Variants in CA10 observed in about 807,000 individuals in gnomAD.
CA10 encodes carbonic anhydrase-related protein 10.
A neutral mutation model predicts 44.2 loss-of-function variants in CA10; 14 were observed. That is an observed-to-expected ratio of 0.32 (90% CI 0.21 to 0.50). The LOEUF is 0.50. Ranked by LOEUF, CA10 falls within the 20% of genes least tolerant of loss-of-function variation. CA10 has a pLI of 0.99. For synonymous variants in CA10, 159 were observed against 141.6 expected (o/e 1.12, Z -0.87); for missense variants, 350 against 409.7 (o/e 0.85, Z 1.26).
At chr17:51,671,209 C>G (rs554209809) in intron 4 of CA10, among the ~76,000 whole-genome samples, 1 of 152,052 alleles carries the variant, frequency 6.6e-6, no homozygotes, top group Non-Finnish European at 1.5e-5. Context: ...TGGCTCTTCC[C>G]GGCTGCTAAT....
chr17:51,891,843 G>C (rs1183383982), intron 3 of CA10, among the ~76,000 whole-genome samples: 4 of 152,198 alleles, frequency 2.6e-5, no homozygotes, highest in East Asian at 3.9e-4. Context: ...TAAGCAGGAA[G>C]AAGGTTTAAG....
At chr17:51,883,721 G>A (rs1278286204) in intron 3 of CA10, among the ~76,000 whole-genome samples, 2 of 151,994 alleles carry the variant, frequency 1.3e-5, no homozygotes, top group Non-Finnish European at 2.9e-5. Context: ...TTAATGTTAG[G>A]TGCTCCAGGG....
chr17:51,775,265 CCTCA>C lies in CA10; in HGVS notation c.280-27451_280-27448del, dbSNP rs1457320508. On this transcript the variant is annotated intron_variant, in intron 3 of 8. Coordinates refer to ENST00000451037, the MANE Select transcript of CA10 (RefSeq NM_020178.5). ...TGGGACTTCAGTGGTAAAGACCTGT[CCTCA>C]CTGAGGTCAGCCTGATGGTTTAGGG... Among the ~76,000 whole-genome samples, 3 of 152,136 alleles carry C rather than the reference CCTCA, an allele frequency of 2.0e-5. No individual in the cohort carries two copies. The East Asian group carries it at 5.8e-4, about 29-fold the overall frequency.
At chr17:52,138,275 T>C (rs1989402805) in intron 1 of CA10, among the ~76,000 whole-genome samples, 1 of 152,204 alleles carries the variant, frequency 6.6e-6, no homozygotes, top group Non-Finnish European at 1.5e-5. Context: ...TCTTTTATAA[T>C]GACTTTTGTG....
chr17:51,742,647 G>A (rs573204435), intron 4 of CA10, among the ~76,000 whole-genome samples: 103 of 151,960 alleles, frequency 6.8e-4, no homozygotes, highest in African/African-American at 2.1e-3. Context: ...GAGCCACTGA[G>A]AGAGAGAGAG....
In CA10 at chr17:52,120,790, T is replaced by G. The variant is rs1409347902; in HGVS notation, c.61+36936A>C. The stretch of plus-strand genomic sequence containing the variant: ...TCAGCTCATGTGTGGTAGCCTGGTA[T>G]TCGATCTGTGAGGTGGGATCCTGTT... On this transcript the variant is annotated intron_variant, in intron 1 of 8. Coordinates refer to ENST00000451037, the MANE Select transcript of CA10 (RefSeq NM_020178.5). Among the ~76,000 whole-genome samples the G allele has an allele frequency of 3.3e-5, 5 of 152,142 alleles. No homozygotes were observed. In the South Asian group the frequency reaches 6.2e-4, roughly 19 times the overall value.
intron 3 of CA10, among the ~76,000 whole-genome samples, chr17:51,835,980 C>T (rs573997914): frequency 5.7e-4 from 86 of 152,050 alleles, no homozygotes; most frequent in African/African-American, 2.0e-3. Flanking sequence ...TGGAATAAAG[C>T]CATGATAATG....
At chr17:51,638,017 T>TA (rs1437725232) in intron 6 of CA10, among the ~76,000 whole-genome samples, 1 of 152,226 alleles carries the variant, frequency 6.6e-6, no homozygotes, top group African/African-American at 2.4e-5. Flanking sequence ...TGCCTGTACT[T>TA]ACCTACTGAT....
intron 2 of CA10, among the ~76,000 whole-genome samples, chr17:52,029,583 T>G (rs1986403809): frequency 6.6e-6 from 1 of 152,078 alleles, no homozygotes; most frequent in Admixed American, 6.5e-5. Context: ...GTTTGCTGTT[T>G]CTCATCTGTA....
intron 3 of CA10, among the ~76,000 whole-genome samples, chr17:51,861,073 T>G (rs555655983): frequency 5.5e-4 from 84 of 152,312 alleles, no homozygotes; most frequent in African/African-American, 2.0e-3. Flanking sequence ...TGCTTTGAGG[T>G]GCTGGGACTA....
At chr17:51,948,960 T>G (rs117310938) in intron 2 of CA10, among the ~76,000 whole-genome samples, 2,263 of 152,288 alleles carry the variant, frequency 0.015, 30 homozygotes, top group Non-Finnish European at 0.025. Context: ...GTCCATAATA[T>G]ATTGAGTGAT....
intron 2 of CA10, among the ~76,000 whole-genome samples, chr17:52,020,080 T>G (rs1184132597): frequency 6.6e-6 from 1 of 152,064 alleles, no homozygotes; most frequent in Non-Finnish European, 1.5e-5. Context: ...AAGTCTATGA[T>G]TTAAGGTGAA....
At chr17:51,845,323 A>C (rs1037628825) in intron 3 of CA10, among the ~76,000 whole-genome samples, 12 of 152,040 alleles carry the variant, frequency 7.9e-5, no homozygotes, top group Admixed American at 7.9e-4. Context: ...TGGATCTCTC[A>C]CTCCAGTGGA....
intron 2 of CA10, among the ~76,000 whole-genome samples, chr17:51,985,890 C>T (rs971349840): frequency 3.3e-5 from 5 of 151,932 alleles, no homozygotes; most frequent in Admixed American, 3.3e-4. Flanking sequence ...CCCATACTCA[C>T]GGGTGGGTAG....
Position 52,141,828 on chromosome 17 carries a change from C to T in CA10, c.61+15898G>A, listed in dbSNP as rs540184252. Among the ~76,000 whole-genome samples the T allele has an allele frequency of 6.6e-5, 10 of 152,252 alleles. No individual in the cohort carries two copies. The South Asian group carries it at 8.3e-4, about 13-fold the overall frequency. On this transcript the variant is annotated intron_variant, in intron 1 of 8. Transcript: ENST00000451037. ...GAGAATGTGGAAAAACCTATCATTA[C>T]GGATTGGAGAGTAAAACCCAACCAA...
At chr17:51,718,668 G>A (rs545097108) in intron 4 of CA10, among the ~76,000 whole-genome samples, 1 of 152,288 alleles carries the variant, frequency 6.6e-6, no homozygotes, top group East Asian at 1.9e-4. Context: ...TACAACCTGT[G>A]CTTATTATTT....
At chr17:51,745,230 G>A (rs759181384) in intron 4 of CA10, among the ~76,000 whole-genome samples, 1 of 151,954 alleles carries the variant, frequency 6.6e-6, no homozygotes, top group Non-Finnish European at 1.5e-5. Context: ...TAATTCAGGC[G>A]GAGTTTCACC....
chr17:51,900,330 G>C (rs1199047552), intron 3 of CA10, among the ~76,000 whole-genome samples: 1 of 152,098 alleles, frequency 6.6e-6, no homozygotes, highest in Non-Finnish European at 1.5e-5. Context: ...AGAATTTCCT[G>C]TCTTTAAGAA....
chr17:51,730,906 A>T (rs1393649595), intron 4 of CA10, among the ~76,000 whole-genome samples: 2 of 18,526 alleles, frequency 1.1e-4, no homozygotes, highest in East Asian at 2.5e-3. Flanking sequence ...CACAGGGATA[A>T]AAAAAAAAAA....
Sources: gnomAD v4.1 joint callset for allele counts (sites outside exome capture counted in the v4.1 genomes callset) on GRCh38, gnomAD v4.1.1 for gene constraint, MANE v1.5 for transcripts, NCBI Gene and HGNC (gene_info 2026-07-23, HGNC 2026-07-21) for gene names.